The following DGKI variants were observed in gnomAD, a reference collection of about 807,000 sequenced individuals.
The protein encoded by DGKI is DAG kinase iota.
DGKI carries 55 observed loss-of-function variants against 147.5 expected under a neutral mutation model. The observed-to-expected ratio is 0.37, with a 90% CI of 0.30 to 0.47. DGKI has a LOEUF of 0.47. Among genes scored for constraint, DGKI ranks in the 20% least tolerant of loss-of-function variants. DGKI has a pLI of 1.00. For synonymous variants in DGKI, 469 were observed against 477.1 expected (o/e 0.98, Z 0.22); for missense variants, 1,007 against 1,323.8 (o/e 0.76, Z 3.71).
intron 2 of DGKI, among the ~76,000 whole-genome samples, chr7:137,681,148 C>G (rs1208554163): frequency 8.5e-5 from 13 of 152,184 alleles, no homozygotes; most frequent in Non-Finnish European, 2.9e-5. Context: ...TGCCTCAAAA[C>G]CATTCCTAAA....
intron 21 of DGKI, among the ~76,000 whole-genome samples, chr7:137,510,180 G>A (rs1410253029): frequency 6.6e-6 from 1 of 152,214 alleles, no homozygotes; most frequent in Non-Finnish European, 1.5e-5. Context: ...ATAGTGCTAT[G>A]ACATGTCATC....
chr7:137,814,135 T>C (rs1797668524), intron 1 of DGKI, among the ~76,000 whole-genome samples: 1 of 151,966 alleles, frequency 6.6e-6, no homozygotes, highest in Non-Finnish European at 1.5e-5. Context: ...GCAAGTACAG[T>C]GATGGATGAA....
chr7:137,450,368 A>C (rs1390713936), intron 27 of DGKI, among the ~76,000 whole-genome samples: 1 of 152,174 alleles, frequency 6.6e-6, no homozygotes, highest in Non-Finnish European at 1.5e-5. Context: ...TATATTTCAC[A>C]TCATGTTGTA....
In DGKI at chr7:137,506,268, C is replaced by G. The variant is rs527408460; in HGVS notation, c.2248+15598G>C. 2.4e-3 allele frequency among the ~76,000 whole-genome samples: 363 copies of G among 152,134 alleles called. 1 individual carries two copies. The highest frequency in any genetic ancestry group is 8.4e-3 in the African/African-American group (349 of 41,488). Reference sequence around the variant, plus strand: ...GCCCAGACAACGGAGTATTATTCAACAATAAAAAGAAACGAGCTATAAAGC... The same window carrying G: ...GCCCAGACAACGGAGTATTATTCAAGAATAAAAAGAAACGAGCTATAAAGC... On this transcript the variant is annotated intron_variant, in intron 21 of 32. Coordinates refer to ENST00000614521, the MANE Select transcript of DGKI (RefSeq NM_001321708.2).
At position 137,390,884 on chromosome 7, in the gene DGKI, T is replaced by C; in HGVS notation, c.*336A>G. 1 of 292,348 alleles carries C rather than the reference T, an allele frequency of 3.4e-6. No homozygotes were observed. Among genetic ancestry groups the C allele is most frequent in the Non-Finnish European group, 6.5e-6 (1 of 153,766 alleles). 18.1% of individuals were successfully genotyped at this position (292,348 alleles called of 1,614,324 possible). A position where few individuals can be genotyped will look rare whatever the true frequency, so the allele number is the denominator to read the frequency against. The stretch of plus-strand genomic sequence containing the variant: ...AATGCATAGGGGGAGGATGGAGCAG[T>C]GCCATTTATACGAACATCCTTTGAA... On this transcript the variant is annotated 3_prime_UTR_variant, in exon 33 of 33. Transcript: ENST00000614521.
chr7:137,690,132 C>T (rs1823555904), intron 1 of DGKI, 130 bp from the exon 2 acceptor site: 1 of 627,144 alleles, frequency 1.6e-6, no homozygotes, highest in South Asian at 2.2e-5. Flanking sequence ...AAAATCTTTA[C>T]CAAAGTATTG....
At chr7:137,481,976 G>A (rs925704941) in intron 23 of DGKI, among the ~76,000 whole-genome samples, 18 of 151,726 alleles carry the variant, frequency 1.2e-4, no homozygotes, top group African/African-American at 3.4e-4. Flanking sequence ...GCATTTCGTC[G>A]TTCATGTTTC....
chr7:137,644,021 CACACACATGCACACTT>C (rs1251620706), intron 6 of DGKI, among the ~76,000 whole-genome samples: 1 of 152,168 alleles, frequency 6.6e-6, no homozygotes, highest in Non-Finnish European at 1.5e-5. Context: ...CATGCACACA[CACACACATGCACACTT>C]ATGGGAAAGT....
chr7:137,770,345 T>C (rs1283672581), intron 1 of DGKI, among the ~76,000 whole-genome samples: 1 of 152,012 alleles, frequency 6.6e-6, no homozygotes, highest in African/African-American at 2.4e-5. Flanking sequence ...GGGAGAGCAT[T>C]AGGACAAATA....
intron 1 of DGKI, among the ~76,000 whole-genome samples, chr7:137,771,042 A>C (rs1333607628): frequency 6.6e-6 from 1 of 151,932 alleles, no homozygotes; most frequent in African/African-American, 2.4e-5. Flanking sequence ...TCTTATTCCC[A>C]ATCTGGGTTT....
intron 30 of DGKI, among the ~76,000 whole-genome samples, chr7:137,400,562 T>G (rs1245422778): frequency 6.6e-6 from 1 of 152,148 alleles, no homozygotes; most frequent in Non-Finnish European, 1.5e-5. Flanking sequence ...AAGCTGTTCT[T>G]CACAATTTCT....
At chr7:137,623,958 C>T (rs930188641) in intron 6 of DGKI, among the ~76,000 whole-genome samples, 2 of 151,504 alleles carry the variant, frequency 1.3e-5, no homozygotes, top group Non-Finnish European at 2.9e-5. Flanking sequence ...CTTTAGCATC[C>T]GAGAACCCAG....
At chr7:137,782,629 T>C (rs1057289512) in intron 1 of DGKI, among the ~76,000 whole-genome samples, 2 of 152,126 alleles carry the variant, frequency 1.3e-5, no homozygotes, top group African/African-American at 2.4e-5. Context: ...ATCCTCCCTA[T>C]AGGACCGCAG....
At chr7:137,509,995 A>C (rs1477323350) in intron 21 of DGKI, among the ~76,000 whole-genome samples, 1 of 152,236 alleles carries the variant, frequency 6.6e-6, no homozygotes, top group Non-Finnish European at 1.5e-5. Context: ...GAACAAAGAC[A>C]AAAGTTGTCA....
chr7:137,622,299 C>G (rs571898987), intron 7 of DGKI, among the ~76,000 whole-genome samples: 20 of 152,294 alleles, frequency 1.3e-4, no homozygotes, highest in Non-Finnish European at 2.6e-4. Context: ...GCATCTGTTC[C>G]AGCCCCATGG....
chr7:137,497,191 A>T (rs1815999998), intron 21 of DGKI, among the ~76,000 whole-genome samples: 1 of 152,164 alleles, frequency 6.6e-6, no homozygotes, highest in Non-Finnish European at 1.5e-5. Context: ...ATAGAAAAAA[A>T]AGTTCAACAT....
chr7:137,485,279 A>C (rs1815513658), intron 23 of DGKI, 95 bp downstream of exon 23: 1 of 922,180 alleles, frequency 1.1e-6, no homozygotes, highest in African/African-American at 1.7e-5. Context: ...ATCCCTAGGG[A>C]AGATGTGAAC....
chr7:137,806,334 A>G (rs565260493), intron 1 of DGKI, among the ~76,000 whole-genome samples: 4 of 152,378 alleles, frequency 2.6e-5, no homozygotes, highest in East Asian at 3.8e-4. Context: ...CCAAAGTTAC[A>G]CAACAGCTTA....
chr7:137,694,736 GGCACTAACTTT>G (rs1377607099), intron 1 of DGKI, among the ~76,000 whole-genome samples: 4 of 152,006 alleles, frequency 2.6e-5, no homozygotes, highest in Non-Finnish European at 5.9e-5. Flanking sequence ...ATACCATATG[GGCACTAACTTT>G]GCTTGTCTTC....
Sources: allele counts gnomAD v4.1 joint callset (sites outside exome capture counted in the v4.1 genomes callset), GRCh38; gene constraint gnomAD v4.1.1; transcripts MANE v1.5; gene names NCBI Gene and HGNC (gene_info 2026-07-23, HGNC 2026-07-21).